HLTF: variants seen among roughly 807,000 people sequenced by gnomAD.
HLTF encodes the protein helicase like transcription factor.
In HLTF, 127 loss-of-function variants were observed where a neutral mutation model predicts 129.4. The observed-to-expected ratio is 0.98, with a 90% CI of 0.85 to 1.14. The LOEUF is 1.14. HLTF is among the 50% of genes most tolerant of loss of function. The pLI is 0.00. For synonymous variants in HLTF, 332 were observed against 388.8 expected (o/e 0.85, Z 1.72); for missense variants, 1,139 against 1,187.1 (o/e 0.96, Z 0.60).
intron 2 of HLTF, among the ~76,000 whole-genome samples, chr3:149,077,251 T>TAAATAAATAAAA (rs1719446465): frequency 2.0e-5 from 1 of 50,894 alleles, no homozygotes; most frequent in African/African-American, 1.5e-4. Flanking sequence ...CATCTCAAAA[T>TAAATAAATAAAA]AAATAAATAA....
chr3:149,055,446 A>G (rs754295851), intron 13 of HLTF, 46 bp from the exon 14 acceptor site: 1 of 1,251,644 alleles, frequency 8.0e-7, no homozygotes. Context: ...TTTTTCTGAA[A>G]TATATATGTC....
intron 19 of HLTF, chr3:149,041,935 A>G (rs1040512879): frequency 8.6e-6 from 5 of 581,438 alleles, no homozygotes; most frequent in African/African-American, 7.5e-5. Flanking sequence ...TCCAATATGA[A>G]TCTTTCATCA....
chr3:149,081,180 T>C (rs750374631), intron 2 of HLTF, among the ~76,000 whole-genome samples: 1 of 145,606 alleles, frequency 6.9e-6, no homozygotes, highest in African/African-American at 2.6e-5. Context: ...TATTTTAAAA[T>C]AGAAAAAGAA....
At chr3:149,050,671 T>G (rs892672063) in intron 14 of HLTF, among the ~76,000 whole-genome samples, 4 of 152,194 alleles carry the variant, frequency 2.6e-5, no homozygotes, top group African/African-American at 9.7e-5. Context: ...ATATTTTAAT[T>G]AGAAGGCCCT....
At chr3:149,059,595 T>G in intron 13 of HLTF, 123 bp downstream of exon 13, 1 of 632,664 alleles carries the variant, frequency 1.6e-6, no homozygotes, top group Non-Finnish European at 2.8e-6. Context: ...GGTTATATAC[T>G]TTAAAAAATA....
chr3:149,034,865 A>C, intron 24 of HLTF, 53 bp downstream of exon 24: 1 of 1,184,524 alleles, frequency 8.4e-7, no homozygotes, highest in Non-Finnish European at 1.3e-6. Flanking sequence ...TTACTTGCTT[A>C]ATTGTAAAAA....
At chr3:149,041,396 C>T in intron 20 of HLTF, 94 bp downstream of exon 20, 1 of 677,438 alleles carries the variant, frequency 1.5e-6, no homozygotes. Context: ...ATTATTAAAT[C>T]CAAGTGCAAA....
chr3:149,040,232 G>A (rs1185236955), intron 20 of HLTF, 76 bp from the exon 21 acceptor site: 2 of 1,300,238 alleles, frequency 1.5e-6, no homozygotes, highest in Non-Finnish European at 2.1e-6. Flanking sequence ...ATTTTTAAAT[G>A]TATGCTAAAA....
chr3:149,069,872 T>TA (rs1718706065), intron 7 of HLTF, among the ~76,000 whole-genome samples: 1 of 152,224 alleles, frequency 6.6e-6, no homozygotes, highest in Non-Finnish European at 1.5e-5. Flanking sequence ...ACTATGAACA[T>TA]AGTGCCTTCC....
At chr3:149,081,046 C>T (rs1473903472) in intron 2 of HLTF, among the ~76,000 whole-genome samples, 1 of 151,900 alleles carries the variant, frequency 6.6e-6, no homozygotes, top group African/African-American at 2.4e-5. Flanking sequence ...TGCTTAAATA[C>T]ACAAATGTGT....
chr3:149,086,239 A>C, intron 1 of HLTF, 78 bp downstream of exon 1: 37 of 1,370,500 alleles, frequency 2.7e-5, no homozygotes, highest in Non-Finnish European at 3.4e-5. Flanking sequence ...ACGCAGAGGA[A>C]CGCGGGGAAG....
At chr3:149,071,474 A>T in intron 6 of HLTF, 31 bp from the exon 7 acceptor site, 1 of 1,551,704 alleles carries the variant, frequency 6.4e-7, no homozygotes, top group Admixed American at 1.7e-5. Flanking sequence ...AGCGAAATAC[A>T]TTAAGCCATT....
In HLTF at chr3:149,063,505, T is replaced by C; in HGVS notation, c.1086A>G (p.Glu362=). ...GLSKDASRCS[E]QPSISDIKEK... The stretch of plus-strand genomic sequence containing the variant: ...CCTTGATATCTGAAATACTGGGTTG[T>C]TCACTACATCTAGATGCGTCTATTT... The change falls in exon 10 of 25, where the codon GAA becomes GAG. Residue 362 remains glutamate (E), a synonymous_variant. Transcript: ENST00000310053. 6.2e-7 allele frequency: 1 copy of C among 1,606,892 alleles called. No homozygotes were observed. Among genetic ancestry groups the C allele is most frequent in the Non-Finnish European group, 8.5e-7 (1 of 1,173,556 alleles).
chr3:149,057,495 A>G (rs1017405803), intron 13 of HLTF, among the ~76,000 whole-genome samples: 3 of 152,170 alleles, frequency 2.0e-5, no homozygotes, highest in African/African-American at 4.8e-5. Context: ...TGGAAGGCCA[A>G]CTTTTCATAT....
chr3:149,043,797 C>T (rs1271574764), intron 18 of HLTF, among the ~76,000 whole-genome samples: 1 of 152,158 alleles, frequency 6.6e-6, no homozygotes, highest in Non-Finnish European at 1.5e-5. Context: ...TAACCTTGGA[C>T]AGGTTGCTTA....
chr3:149,050,236 T>G lies in HLTF; in HGVS notation c.1613A>C (p.Tyr538Ser), dbSNP rs140954450. ...LTTYNILTHDYGTKGDSPLHS... is the reference protein window; with the variant it reads ...LTTYNILTHDSGTKGDSPLHS... The stretch of plus-strand genomic sequence containing the variant: ...TTAAGTATCAACAATACTTACTCCA[T>G]AGTCATGAGTTAAAATATTATACGT... The change falls in exon 15 of 25, where the codon TAT becomes TCT. Residue 538 changes from tyrosine (Y) to serine (S), a missense_variant. Physicochemically the swap from Tyr to Ser is moderately radical, Grantham distance 144. Coordinates refer to ENST00000310053, the MANE Select transcript of HLTF (RefSeq NM_003071.4). 15 of 1,572,152 alleles carry G rather than the reference T, an allele frequency of 9.5e-6. No homozygotes were observed. Among genetic ancestry groups the G allele is most frequent in the African/African-American group, 1.4e-5 (1 of 73,730 alleles).
Position 149,048,856 on chromosome 3 carries a change from T to C in HLTF, c.1756+7A>G, listed in dbSNP as rs1716757826. On this transcript the variant is annotated splice_region_variant and intron_variant, in intron 16 of 24. Transcript: ENST00000310053. ...TAAGGTTTTAGTAAGTTTAATGCTA[T>C]GATTACCTGTCAAAACCCATCTTCT... 2 of 1,608,660 alleles carry C rather than the reference T, an allele frequency of 1.2e-6. No homozygotes were observed. Among genetic ancestry groups the C allele is most frequent in the Non-Finnish European group, 1.7e-6 (2 of 1,175,316 alleles).
At chr3:149,045,213 C>A (rs1033378770) in intron 18 of HLTF, among the ~76,000 whole-genome samples, 4 of 152,130 alleles carry the variant, frequency 2.6e-5, no homozygotes, top group African/African-American at 9.7e-5. Context: ...TACACTTGCT[C>A]TTCCTTCTGG....
intron 2 of HLTF, among the ~76,000 whole-genome samples, chr3:149,082,452 C>A (rs1187942995): frequency 6.6e-6 from 1 of 152,048 alleles, no homozygotes; most frequent in African/African-American, 2.4e-5. Context: ...GAGCGAGACT[C>A]CGTCTCAAAA....
Sources: allele counts gnomAD v4.1 joint callset (sites outside exome capture counted in the v4.1 genomes callset), GRCh38; gene constraint gnomAD v4.1.1; transcripts MANE v1.5; gene names NCBI Gene and HGNC (gene_info 2026-07-23, HGNC 2026-07-21).